Variants in BRAF observed in about 807,000 individuals in gnomAD.
BRAF encodes B-Raf proto-oncogene, serine/threonine kinase.
BRAF carries 16 observed loss-of-function variants against 104.6 expected under a neutral mutation model. The observed-to-expected ratio is 0.15, with a 90% CI of 0.10 to 0.23. The LOEUF (loss-of-function observed/expected upper bound fraction) is 0.23. Ranked by LOEUF, BRAF falls within the 10% of genes least tolerant of loss-of-function variation. BRAF has a pLI of 1.00. For synonymous variants in BRAF, 310 were observed against 341.6 expected (o/e 0.91, Z 1.02); for missense variants, 541 against 937.3 (o/e 0.58, Z 5.52).
chr7:140,905,585 T>G (rs1033004248), intron 1 of BRAF, among the ~76,000 whole-genome samples: 2 of 152,214 alleles, frequency 1.3e-5, no homozygotes, highest in African/African-American at 4.8e-5. Flanking sequence ...GTAACAATCT[T>G]TGGCTTTTAA....
At chr7:140,859,507 G>T (rs1445220912) in intron 1 of BRAF, among the ~76,000 whole-genome samples, 1 of 152,102 alleles carries the variant, frequency 6.6e-6, no homozygotes, top group African/African-American at 2.4e-5. Flanking sequence ...CAAATGACAT[G>T]TATGTGTGCA....
chr7:140,752,243 C>T (rs1294803764), intron 16 of BRAF, among the ~76,000 whole-genome samples: 1 of 152,132 alleles, frequency 6.6e-6, no homozygotes, highest in Non-Finnish European at 1.5e-5. Flanking sequence ...CTATGTTGAG[C>T]AGGCCAGTCA....
intron 1 of BRAF, among the ~76,000 whole-genome samples, chr7:140,912,524 T>C (rs1048150350): frequency 6.6e-6 from 1 of 152,194 alleles, no homozygotes; most frequent in Non-Finnish European, 1.5e-5. Context: ...TACTCTCTAA[T>C]GGCTCATTCC....
chr7:140,886,514 A>G (rs1366097495), intron 1 of BRAF, among the ~76,000 whole-genome samples: 1 of 152,182 alleles, frequency 6.6e-6, no homozygotes, highest in East Asian at 1.9e-4. Context: ...TCTATGCCAT[A>G]CTCAATAAAC....
intron 14 of BRAF, 136 bp downstream of exon 13, chr7:140,776,776 C>T: frequency 1.2e-6 from 1 of 810,334 alleles, no homozygotes; most frequent in East Asian, 2.6e-5. Context: ...TATTATTTAC[C>T]AGCCATTAGT....
chr7:140,744,802 T>C (rs1451186074), intron 17 of BRAF, among the ~76,000 whole-genome samples: 2 of 152,196 alleles, frequency 1.3e-5, no homozygotes, highest in Non-Finnish European at 2.9e-5. Context: ...TTTTACATTC[T>C]ATGTTTCCAT....
intron 17 of BRAF, among the ~76,000 whole-genome samples, chr7:140,742,520 T>C (rs918095372): frequency 6.6e-6 from 1 of 152,142 alleles, no homozygotes; most frequent in Middle Eastern, 3.2e-3. Context: ...GGGAATTAAT[T>C]TCTACAACTA....
intron 7 of BRAF, among the ~76,000 whole-genome samples, chr7:140,795,925 C>G (rs1225591986): frequency 6.6e-6 from 1 of 151,872 alleles, no homozygotes; most frequent in African/African-American, 2.4e-5. Flanking sequence ...TTTATTTTTG[C>G]TTTAGGTAGC....
chr7:140,755,861 G>C (rs972536742), intron 14 of BRAF, among the ~76,000 whole-genome samples: 5 of 151,740 alleles, frequency 3.3e-5, no homozygotes, highest in Admixed American at 6.6e-5. Flanking sequence ...AGAGAGACCT[G>C]GGATCTAGTA....
At chr7:140,799,029 T>A (rs1802806489) in intron 7 of BRAF, 1 of 174,356 alleles carries the variant, frequency 5.7e-6, no homozygotes, top group Admixed American at 6.4e-5. Flanking sequence ...TTTTTTTGTA[T>A]CTTTAGTAGA....
chr7:140,836,052 A>G (rs1409708690), intron 2 of BRAF: 1 of 152,168 alleles, frequency 6.6e-6, no homozygotes, highest in Non-Finnish European at 1.5e-5. Flanking sequence ...AGATGGATGA[A>G]GAAAGTAGGG....
intron 1 of BRAF, among the ~76,000 whole-genome samples, chr7:140,859,888 C>T (rs1324607511): frequency 1.3e-5 from 2 of 152,084 alleles, no homozygotes; most frequent in African/African-American, 4.8e-5. Context: ...AGGATTTCAC[C>T]ATATTGGCCA....
At chr7:140,715,185 A>T (rs552751261), downstream of BRAF, among the ~76,000 whole-genome samples, 1 of 152,220 alleles carries the variant, frequency 6.6e-6, no homozygotes, top group African/African-American at 2.4e-5. Flanking sequence ...TTCTCTTTGG[A>T]TGTCACAGAG....
In BRAF at chr7:140,734,781, A is replaced by G. The variant is rs1796247954; in HGVS notation, c.2248-11T>C. 2 of 1,335,462 alleles carry G rather than the reference A, an allele frequency of 1.5e-6. No homozygotes were observed. The highest frequency in any genetic ancestry group is 2.0e-6 in the Non-Finnish European group (2 of 1,025,378). The allele number at this position is 1,335,462 out of a possible 1,614,324, so 82.7% of individuals were successfully genotyped here. A position where few individuals can be genotyped will look rare whatever the true frequency, so the allele number is the denominator to read the frequency against. ...AATAGAGGCGAGAATCTACAAAAAAAAAAAGAAAAAAAAAAGAAAAAAAAA... is the reference window on the plus strand; with the variant it reads ...AATAGAGGCGAGAATCTACAAAAAAGAAAAGAAAAAAAAAAGAAAAAAAAA... On this transcript the variant is annotated splice_polypyrimidine_tract_variant and intron_variant, in intron 18 of 19. Coordinates refer to ENST00000644969, the MANE Select transcript of BRAF (RefSeq NM_001374258.1).
chr7:140,761,510 A>C (rs1462678856), intron 14 of BRAF, among the ~76,000 whole-genome samples: 2 of 152,100 alleles, frequency 1.3e-5, no homozygotes, highest in Non-Finnish European at 2.9e-5. Context: ...CTAATATCAT[A>C]ATGACAGGAT....
chr7:140,773,823 G>T (rs1800070746), intron 14 of BRAF, among the ~76,000 whole-genome samples: 1 of 152,150 alleles, frequency 6.6e-6, no homozygotes, highest in Non-Finnish European at 1.5e-5. Context: ...GCCTTTTGGG[G>T]TCTAAGTCTA....
intron 3 of BRAF, 77 bp from the exon 4 acceptor site, chr7:140,809,072 A>G (rs1803953564): frequency 1.6e-6 from 2 of 1,216,820 alleles, no homozygotes; most frequent in Non-Finnish European, 2.4e-6. Flanking sequence ...AAAATTTAGT[A>G]ATTCATCTTT....
intron 17 of BRAF, chr7:140,747,485 G>A: frequency 9.3e-7 from 1 of 1,075,026 alleles, no homozygotes; most frequent in African/African-American, 1.6e-5. Flanking sequence ...AGAACTCTGG[G>A]ATGCTTTTAT....
intron 1 of BRAF, among the ~76,000 whole-genome samples, chr7:140,860,484 A>G (rs1466794924): frequency 2.0e-5 from 3 of 151,428 alleles, no homozygotes; most frequent in Non-Finnish European, 4.4e-5. Flanking sequence ...AAAAAAAAGA[A>G]AAAAAAGAAA....
Sources: allele counts gnomAD v4.1 joint callset (sites outside exome capture counted in the v4.1 genomes callset), GRCh38; gene constraint gnomAD v4.1.1; transcripts MANE v1.5; gene names NCBI Gene and HGNC (gene_info 2026-07-23, HGNC 2026-07-21).